The following XKR6 variants were observed in gnomAD, a reference collection of about 807,000 sequenced individuals.
XKR6 encodes XK-related protein 6.
A neutral mutation model predicts 56.7 loss-of-function variants in XKR6; 22 were observed. That is an observed-to-expected ratio of 0.39 (90% CI 0.28 to 0.55). XKR6 has a LOEUF of 0.55. Among genes scored for constraint, XKR6 ranks in the 20% least tolerant of loss-of-function variants. The pLI, the probability that XKR6 is intolerant of heterozygous loss-of-function variation, is 0.66. For synonymous variants in XKR6, 524 were observed against 387.8 expected (o/e 1.35, Z -4.13); for missense variants, 852 against 889.0 (o/e 0.96, Z 0.53).
At chr8:10,998,368 G>A (rs148411657) in intron 1 of XKR6, among the ~76,000 whole-genome samples, 2 of 152,154 alleles carry the variant, frequency 1.3e-5, no homozygotes, top group East Asian at 1.9e-4. Flanking sequence ...TTCTTCTCTG[G>A]TACTAGTGAC....
chr8:10,997,784 T>C (rs776575043), intron 1 of XKR6, among the ~76,000 whole-genome samples: 3 of 152,008 alleles, frequency 2.0e-5, no homozygotes, highest in African/African-American at 7.3e-5. Context: ...AACAAAGCTG[T>C]CTCCCATCCC....
At chr8:11,189,558 G>T (rs929188262) in intron 1 of XKR6, among the ~76,000 whole-genome samples, 1 of 151,966 alleles carries the variant, frequency 6.6e-6, no homozygotes, top group Non-Finnish European at 1.5e-5. Flanking sequence ...TATCCATTCC[G>T]CCCCTCTAAA....
intron 1 of XKR6, chr8:11,195,013 G>T (rs960221141): frequency 1.0e-4 from 59 of 591,346 alleles, no homozygotes; most frequent in African/African-American, 4.3e-4. Context: ...TCAAAAACAA[G>T]AAATAAATCT....
rs35351104 is a variant in XKR6, at chr8:11,144,223, A to AGTGTGTGTGTGTGTGTGTGTGT, written c.764+56331_764+56352dup. ...TGATGTAGTTTTGTTTTAAATAAAA[A>AGTGTGTGTGTGTGTGTGTGTGT]GTGTGTGTGTGTGTGTGTGTGTGTG... On this transcript the variant is annotated intron_variant, in intron 1 of 2. Transcript: ENST00000416569. 1.6e-3 allele frequency among the ~76,000 whole-genome samples: 224 copies of AGTGTGTGTGTGTGTGTGTGTGT among 136,504 alleles called. 2 individuals carry two copies. The highest frequency in any genetic ancestry group is 8.0e-3 in the South Asian group (30 of 3,768). 89.6% of individuals were successfully genotyped at this position (136,504 alleles called of 152,430 possible).
chr8:10,952,480 G>A (rs796210599), intron 1 of XKR6, among the ~76,000 whole-genome samples: 9 of 152,244 alleles, frequency 5.9e-5, no homozygotes, highest in Admixed American at 2.6e-4. Context: ...TTGAGACAGG[G>A]TCTCATTCTG....
intron 1 of XKR6, among the ~76,000 whole-genome samples, chr8:11,013,925 A>G (rs1321127804): frequency 6.6e-6 from 1 of 152,208 alleles, no homozygotes. Flanking sequence ...GAAGCCACCA[A>G]CATCCAGGCC....
chr8:10,978,026 G>T (rs1802619453), intron 1 of XKR6, among the ~76,000 whole-genome samples: 1 of 151,876 alleles, frequency 6.6e-6, no homozygotes, highest in African/African-American at 2.4e-5. Flanking sequence ...AAACCTAGTG[G>T]GTCTGCCTTA....
At chr8:11,055,252 A>C (rs1375703783) in intron 1 of XKR6, among the ~76,000 whole-genome samples, 1 of 152,094 alleles carries the variant, frequency 6.6e-6, no homozygotes, top group Non-Finnish European at 1.5e-5. Context: ...GGATGAAAGG[A>C]TATCACTAAG....
At chr8:11,124,799 T>A (rs923220960) in intron 1 of XKR6, 1 of 152,014 alleles carries the variant, frequency 6.6e-6, no homozygotes, top group Admixed American at 6.6e-5. Context: ...AAAGTATTGA[T>A]GCTGGGCTGG....
At chr8:10,941,320 A>G (rs1801380578) in intron 1 of XKR6, among the ~76,000 whole-genome samples, 1 of 152,026 alleles carries the variant, frequency 6.6e-6, no homozygotes, top group Non-Finnish European at 1.5e-5. Context: ...CAACCACATA[A>G]AGTGATACCG....
In XKR6 at chr8:11,035,164, C is replaced by A. The variant is rs745468140; in HGVS notation, c.765-110334G>T. On this transcript the variant is annotated intron_variant, in intron 1 of 2. Transcript: ENST00000416569. ...AGACAAACTATGACAAACAGCCAGTCTCGTGCCCAGCCCAGCGTGGGTGCA... is the reference window on the plus strand; with the variant it reads ...AGACAAACTATGACAAACAGCCAGTATCGTGCCCAGCCCAGCGTGGGTGCA... The A allele has an allele frequency of 7.5e-6, 4 of 533,856 alleles. No individual in the cohort carries two copies. In the East Asian group the frequency reaches 2.2e-4, roughly 29 times the overall value. 33.1% of individuals were successfully genotyped at this position (533,856 alleles called of 1,614,324 possible). A position where few individuals can be genotyped will look rare whatever the true frequency, so the allele number is the denominator to read the frequency against.
intron 1 of XKR6, among the ~76,000 whole-genome samples, chr8:10,997,071 C>A (rs777982173): frequency 7.9e-5 from 12 of 152,218 alleles, no homozygotes; most frequent in Non-Finnish European, 1.8e-4. Context: ...CCTTTCTCAT[C>A]GTCTGCACCT....
At chr8:10,958,977 A>T (rs4626559) in intron 1 of XKR6, among the ~76,000 whole-genome samples, 26,530 of 152,214 alleles carry the variant, frequency 0.17, 3,074 homozygotes, top group African/African-American at 0.33. Context: ...GAAGGCATCA[A>T]GCCTGAGAAC....
chr8:11,142,466 G>A (rs757796479), intron 1 of XKR6, among the ~76,000 whole-genome samples: 1 of 152,140 alleles, frequency 6.6e-6, no homozygotes, highest in African/African-American at 2.4e-5. Flanking sequence ...AGTGTTGGAG[G>A]TGCGGCCTGG....
chr8:10,939,755 T>G (rs1052779126), intron 1 of XKR6, among the ~76,000 whole-genome samples: 3 of 152,254 alleles, frequency 2.0e-5, no homozygotes, highest in African/African-American at 7.2e-5. Flanking sequence ...CTCGCCCACC[T>G]TCAGGCCTCC....
intron 1 of XKR6, among the ~76,000 whole-genome samples, chr8:11,100,604 CT>C (rs1411444573): frequency 1.3e-5 from 2 of 152,222 alleles, no homozygotes; most frequent in Non-Finnish European, 2.9e-5. Context: ...GTGCTTTCCC[CT>C]ACAACTAAGA....
intron 2 of XKR6, among the ~76,000 whole-genome samples, chr8:10,908,050 C>T (rs780130898): frequency 1.3e-5 from 2 of 152,214 alleles, no homozygotes; most frequent in Admixed American, 6.5e-5. Flanking sequence ...TGATTTTCAA[C>T]GCCTTTTGCG....
chr8:11,046,790 T>A (rs1397223401), intron 1 of XKR6, among the ~76,000 whole-genome samples: 1 of 152,214 alleles, frequency 6.6e-6, no homozygotes, highest in East Asian at 1.9e-4. Flanking sequence ...CATAGATAAA[T>A]GTTTAATAGA....
At chr8:11,100,872 G>C (rs891983052) in intron 1 of XKR6, among the ~76,000 whole-genome samples, 8 of 152,204 alleles carry the variant, frequency 5.3e-5, no homozygotes, top group Non-Finnish European at 8.8e-5. Flanking sequence ...TGCTTTGAAA[G>C]GTGGCCGCAA....
Sources: gnomAD v4.1 joint callset for allele counts (sites outside exome capture counted in the v4.1 genomes callset) on GRCh38, gnomAD v4.1.1 for gene constraint, MANE v1.5 for transcripts, NCBI Gene and HGNC (gene_info 2026-07-23, HGNC 2026-07-21) for gene names.